Variants in CATSPERB observed in about 807,000 individuals in gnomAD.
CATSPERB encodes the protein cation channel sperm-associated auxiliary subunit beta.
In CATSPERB, 93 loss-of-function variants were observed where a neutral mutation model predicts 128.3. The ratio of observed to expected loss-of-function variants is 0.72; its 90% CI spans 0.61 to 0.86. The LOEUF (loss-of-function observed/expected upper bound fraction) is 0.86. Ranked by LOEUF, CATSPERB falls within the 40% of genes least tolerant of loss-of-function variation. The pLI, the probability that CATSPERB is intolerant of heterozygous loss-of-function variation, is 0.00. For synonymous variants in CATSPERB, 381 were observed against 448.8 expected (o/e 0.85, Z 1.91); for missense variants, 1,153 against 1,329.5 (o/e 0.87, Z 2.06).
At chr14:91,694,353 A>C (rs1895521388) in intron 7 of CATSPERB, among the ~76,000 whole-genome samples, 1 of 143,384 alleles carries the variant, frequency 7.0e-6, no homozygotes, top group African/African-American at 2.6e-5. Flanking sequence ...CTGAGGTGAG[A>C]GGATCGGTTG....
At chr14:91,726,773 C>T (rs1896126681) in intron 2 of CATSPERB, among the ~76,000 whole-genome samples, 1 of 152,198 alleles carries the variant, frequency 6.6e-6, no homozygotes, top group South Asian at 2.1e-4. Flanking sequence ...CAGCTTTACA[C>T]ATCTGCTGGA....
chr14:91,614,783 G>C (rs1893904426), intron 20 of CATSPERB, among the ~76,000 whole-genome samples: 1 of 152,202 alleles, frequency 6.6e-6, no homozygotes, highest in Non-Finnish European at 1.5e-5. Context: ...GCATCAGAGA[G>C]AGACCCTGTC....
chr14:91,705,679 G>GTCTC lies in CATSPERB; in HGVS notation c.467-982_467-979dup, dbSNP rs542802762. Among the ~76,000 whole-genome samples the GTCTC allele has an allele frequency of 3.9e-3, 587 of 152,200 alleles. 3 individuals carry two copies. Among genetic ancestry groups the GTCTC allele is most frequent in the African/African-American group, 0.014 (575 of 41,520 alleles). On this transcript the variant is annotated intron_variant, in intron 6 of 26. Coordinates refer to ENST00000256343, the MANE Select transcript of CATSPERB (RefSeq NM_024764.4). ...CTATTTTTCAGTCCTCAATGTGAAT[G>GTCTC]TCTCCCTCTTTGGGAAGCCTTCCAT...
chr14:91,638,078 C>T (rs1704633), intron 16 of CATSPERB, among the ~76,000 whole-genome samples: 140,826 of 152,158 alleles, frequency 0.93, 65,270 homozygotes, highest in African/African-American at 0.97. Flanking sequence ...CAACTGCAGC[C>T]TTGGCCTGGT....
intron 20 of CATSPERB, among the ~76,000 whole-genome samples, chr14:91,613,025 T>C (rs2139779300): frequency 6.6e-6 from 1 of 152,328 alleles, no homozygotes; most frequent in Admixed American, 6.5e-5. Context: ...ATAATTTTTT[T>C]TTAGAAAATT....
At chr14:91,691,099 A>C (rs1895462856) in intron 10 of CATSPERB, among the ~76,000 whole-genome samples, 1 of 152,184 alleles carries the variant, frequency 6.6e-6, no homozygotes, top group Non-Finnish European at 1.5e-5. Context: ...TAGAAAAGGT[A>C]CCCCTTTCTC....
chr14:91,682,684 A>AACGCCAG (rs1452461468), intron 11 of CATSPERB, among the ~76,000 whole-genome samples: 1 of 152,160 alleles, frequency 6.6e-6, no homozygotes, highest in African/African-American at 2.4e-5. Context: ...GGAAAGCACA[A>AACGCCAG]ACGCCAGACA....
At chr14:91,700,870 C>G (rs1360693174) in intron 7 of CATSPERB, among the ~76,000 whole-genome samples, 1 of 152,092 alleles carries the variant, frequency 6.6e-6, no homozygotes, top group Non-Finnish European at 1.5e-5. Flanking sequence ...GTGCTATGCT[C>G]ACTATCTGGG....
intron 26 of CATSPERB, among the ~76,000 whole-genome samples, chr14:91,586,495 G>T (rs1180071709): frequency 1.3e-5 from 2 of 148,506 alleles, no homozygotes. Context: ...ACCCACCACT[G>T]TAGTAGTGCA....
intron 24 of CATSPERB, among the ~76,000 whole-genome samples, chr14:91,588,413 A>G (rs889514666): frequency 6.6e-6 from 1 of 152,118 alleles, no homozygotes; most frequent in Non-Finnish European, 1.5e-5. Context: ...TTCCAGCCCC[A>G]TGCTCAGGAT....
Position 91,595,489 on chromosome 14 carries a change from G to A in CATSPERB, c.2710-3487C>T, listed in dbSNP as rs73331757. Among the ~76,000 whole-genome samples, 437 of 152,082 alleles carry A rather than the reference G, an allele frequency of 2.9e-3. 2 individuals are homozygous for A. The highest frequency in any genetic ancestry group is 9.9e-3 in the African/African-American group (409 of 41,484). On this transcript the variant is annotated intron_variant, in intron 22 of 26. Coordinates refer to ENST00000256343, the MANE Select transcript of CATSPERB (RefSeq NM_024764.4). ...GCCCAGATAAGACTTTTTTAAAGCC[G>A]AGCCCAACCATGGATTTGTGCCGTC...
intron 20 of CATSPERB, among the ~76,000 whole-genome samples, chr14:91,611,608 A>AAAAC (rs1021215324): frequency 1.3e-5 from 2 of 152,168 alleles, no homozygotes; most frequent in African/African-American, 2.4e-5. Context: ...AGCCGTCTCA[A>AAAAC]AAACAAACAA....
At chr14:91,662,158 A>G (rs1894897879) in intron 14 of CATSPERB, among the ~76,000 whole-genome samples, 2 of 151,984 alleles carry the variant, frequency 1.3e-5, no homozygotes, top group Admixed American at 1.3e-4. Context: ...CCCCATTCCT[A>G]TCCCTCTGCC....
intron 22 of CATSPERB, chr14:91,605,340 G>A: frequency 1.4e-6 from 1 of 696,756 alleles, no homozygotes; most frequent in Non-Finnish European, 2.5e-6. Context: ...GGGAAGAGGA[G>A]GAAAAAATTT....
chr14:91,604,580 G>T, intron 22 of CATSPERB: 1 of 1,610,382 alleles, frequency 6.2e-7, no homozygotes, highest in Non-Finnish European at 8.5e-7. Flanking sequence ...GGACTGCAGA[G>T]ATTCCTCTCC....
intron 2 of CATSPERB, among the ~76,000 whole-genome samples, chr14:91,728,815 T>A (rs535961103): frequency 6.6e-6 from 1 of 152,258 alleles, no homozygotes; most frequent in South Asian, 2.1e-4. Flanking sequence ...CTGACTACCA[T>A]AAAAATCCAC....
At chr14:91,603,888 G>A (rs572971602) in intron 22 of CATSPERB, among the ~76,000 whole-genome samples, 35 of 152,054 alleles carry the variant, frequency 2.3e-4, no homozygotes, top group African/African-American at 7.2e-4. Context: ...ATTACAATTC[G>A]ACATGAGATT....
At chr14:91,585,956 G>C (rs1893290108) in intron 26 of CATSPERB, among the ~76,000 whole-genome samples, 1 of 152,210 alleles carries the variant, frequency 6.6e-6, no homozygotes, top group Admixed American at 6.5e-5. Context: ...CACAAGTTAT[G>C]CCTCACCTTC....
At chr14:91,617,235 T>C (rs1303442813) in intron 20 of CATSPERB, among the ~76,000 whole-genome samples, 1 of 152,200 alleles carries the variant, frequency 6.6e-6, no homozygotes, top group Non-Finnish European at 1.5e-5. Flanking sequence ...ACCTATTAAA[T>C]TGCCAAGATT....
Sources: allele counts gnomAD v4.1 joint callset (sites outside exome capture counted in the v4.1 genomes callset), GRCh38; gene constraint gnomAD v4.1.1; transcripts MANE v1.5; gene names NCBI Gene and HGNC (gene_info 2026-07-23, HGNC 2026-07-21).